The following EMX2 variants were observed in gnomAD, a reference collection of about 807,000 sequenced individuals.
The protein encoded by EMX2 is empty spiracles homeobox 2.
Under a neutral mutation model 23.0 loss-of-function variants are expected in EMX2, and 6 were observed. The observed-to-expected ratio is 0.26, with a 90% CI of 0.14 to 0.52. EMX2 has a LOEUF of 0.52. Among genes scored for constraint, EMX2 ranks in the 20% least tolerant of loss-of-function variants. The pLI is 0.97. For missense variants in EMX2, 302 were observed against 341.4 expected (o/e 0.88, Z 0.91); for synonymous variants, 175 against 153.3 (o/e 1.14, Z -1.04).
intron 2 of EMX2, 100 bp downstream of exon 2, chr10:117,545,916 T>C (rs1362113731): frequency 6.6e-7 from 1 of 1,507,868 alleles, no homozygotes; most frequent in Non-Finnish European, 9.1e-7. Flanking sequence ...TGTGAGGGCC[T>C]TCCGCACAGG....
At position 117,543,425 on chromosome 10, in the gene EMX2, C is replaced by G; in HGVS notation, c.158C>G (p.Ser53Trp). 2 of 1,597,504 alleles carry G rather than the reference C, an allele frequency of 1.3e-6. No homozygotes were observed. Among genetic ancestry groups the G allele is most frequent in the Non-Finnish European group, 1.7e-6 (2 of 1,172,770 alleles). Residue 53 changes from serine (S) to tryptophan (W), a missense_variant, in exon 1 of 3, where the codon TCG (serine) becomes TGG (tryptophan). Ser to Trp is a radical substitution (Grantham distance 177). Coordinates refer to ENST00000553456, the MANE Select transcript of EMX2 (RefSeq NM_004098.4). ...PINPFLNGFH[S>W]AAAAAAGRGV... ...AATCCGTTCCTCAACGGCTTCCACTCGGCCGCCGCCGCCGCCGCCGGTAGG... is the reference window on the plus strand; with the variant it reads ...AATCCGTTCCTCAACGGCTTCCACTGGGCCGCCGCCGCCGCCGCCGGTAGG...
chr10:117,543,432 C>T lies in EMX2; in HGVS notation c.165C>T (p.Ala55=), dbSNP rs1473463969. The T allele has an allele frequency of 7.5e-6, 12 of 1,594,826 alleles. No individual in the cohort carries two copies. Among genetic ancestry groups the T allele is most frequent in the South Asian group, 1.1e-5 (1 of 89,756 alleles). Residue 55 remains alanine (A), a synonymous_variant, in exon 1 of 3, where the codon GCC becomes GCT. Coordinates refer to ENST00000553456, the MANE Select transcript of EMX2 (RefSeq NM_004098.4). The stretch of plus-strand genomic sequence containing the variant: ...TCCTCAACGGCTTCCACTCGGCCGC[C>T]GCCGCCGCCGCCGGTAGGGGCGTCT... The part of the protein sequence containing the change: ...NPFLNGFHSA[A]AAAAGRGVYS...
intron 1 of EMX2, 118 bp downstream of exon 1, chr10:117,543,791 C>A: frequency 6.6e-7 from 1 of 1,506,192 alleles, no homozygotes; most frequent in Non-Finnish European, 9.1e-7. Flanking sequence ...GGCTCGCGGG[C>A]CAGCGCGCCC....
rs34929200 is a variant in EMX2 at position 117,548,548 on chromosome 10, AAGAGAGAGAGAGAG to A, written c.*328_*341del. The A allele has an allele frequency of 1.5e-5, 7 of 464,822 alleles. No homozygotes were observed. The East Asian group carries it at 2.0e-4, about 13-fold the overall frequency. The allele number at this position is 464,822 out of a possible 1,614,324, so 28.8% of individuals were successfully genotyped here. A position where few individuals can be genotyped will look rare whatever the true frequency, so the allele number is the denominator to read the frequency against. ...GGAGGGAGAGAGAGAAAGAGAGAGAAAGAGAGAGAGAGAGAGAGAGAGAGAAAGCTGAACGTGCA... is the reference window on the plus strand; with the variant it reads ...GGAGGGAGAGAGAGAAAGAGAGAGAAAGAGAGAGAGAAAGCTGAACGTGCA... On this transcript the variant is annotated 3_prime_UTR_variant, in exon 3 of 3. Coordinates refer to ENST00000553456, the MANE Select transcript of EMX2 (RefSeq NM_004098.4).
chr10:117,546,501 C>T (rs1233104459), intron 2 of EMX2, among the ~76,000 whole-genome samples: 1 of 144,094 alleles, frequency 6.9e-6, no homozygotes, highest in Non-Finnish European at 1.5e-5. Flanking sequence ...TCAAAGTTCC[C>T]AGCAAACAGT....
At chr10:117,544,169 T>C (rs1207184129) in intron 1 of EMX2, 1 of 189,540 alleles carries the variant, frequency 5.3e-6, no homozygotes, top group Non-Finnish European at 1.1e-5. Flanking sequence ...TCCACCCTCT[T>C]CTGGAGGCGA....
chr10:117,548,857 T>C lies in EMX2; in HGVS notation c.*625T>C, dbSNP rs143671290. ...ATGCATGTAGCAGTTGTTGGGCGAA[T>C]GGTGTTTAAAGACCGAAAATGAATT... On this transcript the variant is annotated 3_prime_UTR_variant, in exon 3 of 3. Transcript: ENST00000553456. The C allele has an allele frequency of 5.5e-5, 22 of 397,654 alleles. No homozygotes were observed. In the East Asian group the frequency reaches 7.9e-4, roughly 14 times the overall value. The allele number at this position is 397,654 out of a possible 1,614,324, so 24.6% of individuals were successfully genotyped here. A position where few individuals can be genotyped will look rare whatever the true frequency, so the allele number is the denominator to read the frequency against.
rs778391840 is a variant in EMX2 at position 117,545,834 on chromosome 10, G to T, written c.591+18G>T. ...AAACTCAGGTGACTGCGGCCCGGGC[G>T]CGAGGAACCCATCTAGGCGTGCGCC... is the stretch of plus-strand genomic sequence containing the variant. On this transcript the variant is annotated intron_variant, in intron 2 of 2. Coordinates refer to ENST00000553456, the MANE Select transcript of EMX2 (RefSeq NM_004098.4). 3.1e-6 allele frequency: 5 copies of T among 1,613,602 alleles called. No individual in the cohort carries two copies. In the South Asian group the frequency reaches 4.4e-5, roughly 14 times the overall value.
intron 2 of EMX2, among the ~76,000 whole-genome samples, chr10:117,546,961 T>G (rs1022319573): frequency 6.6e-6 from 1 of 152,230 alleles, no homozygotes; most frequent in Non-Finnish European, 1.5e-5. Flanking sequence ...GTCCAGGGAC[T>G]GGCACTGGGC....
Position 117,543,208 on chromosome 10 carries a change from A to AGGCAGCGTGCGGCGGT in EMX2, c.-59_-44dup. 8.5e-7 allele frequency: 1 copy of AGGCAGCGTGCGGCGGT among 1,169,894 alleles called. No individual in the cohort carries two copies. The highest frequency in any genetic ancestry group is 1.1e-6 in the Non-Finnish European group (1 of 936,512). 72.5% of individuals were successfully genotyped at this position (1,169,894 alleles called of 1,614,324 possible). ...CCTCGCCGCGGGCAGCGGGCGGCGG[A>AGGCAGCGTGCGGCGGT]GGCAGCGTGCGGCGGTCGCCAGGAG... On this transcript the variant is annotated 5_prime_UTR_variant, in exon 1 of 3. Transcript: ENST00000553456.
rs1388067574 is a variant in EMX2 at position 117,549,285 on chromosome 10, A to C, written c.*1053A>C. On this transcript the variant is annotated 3_prime_UTR_variant, in exon 3 of 3. Transcript: ENST00000553456. ...TCCAAACTTTAAATCTATCTATTGC[A>C]AAACCTGAAGGACTGTAGTTAGCGG... The C allele has an allele frequency of 6.6e-6, 1 of 152,652 alleles. No homozygotes were observed. Among genetic ancestry groups the C allele is most frequent in the East Asian group, 1.9e-4 (1 of 5,192 alleles). 9.5% of individuals were successfully genotyped at this position (152,652 alleles called of 1,614,324 possible).
rs1430660194 is a variant in EMX2, at chr10:117,543,803, G to T, written c.406+130G>T. On this transcript the variant is annotated intron_variant, in intron 1 of 2. Transcript: ENST00000553456. ...TCCGGCTCGCGGGCCAGCGCGCCCT[G>T]TTGGGAAACTAGGCGGCGCGGGGCC... The T allele has an allele frequency of 2.1e-6, 3 of 1,444,222 alleles. No individual in the cohort carries two copies. The East Asian group carries it at 7.0e-5, about 34-fold the overall frequency. The allele number at this position is 1,444,222 out of a possible 1,614,324, so 89.5% of individuals were successfully genotyped here.
intron 1 of EMX2, 54 bp from the exon 2 acceptor site, chr10:117,545,578 C>A (rs1011292065): frequency 1.2e-6 from 2 of 1,606,608 alleles, no homozygotes; most frequent in Non-Finnish European, 1.7e-6. Context: ...GAGAAGTGCG[C>A]GGCTCCGGTC....
chr10:117,543,690 G>T lies in EMX2; in HGVS notation c.406+17G>T. On this transcript the variant is annotated intron_variant, in intron 1 of 2. Transcript: ENST00000553456. ...GCTTCCAAGGTACGTGCCACGTCGC[G>T]GAACTGCAGCGCGCCGCTCCCGCCG... The T allele has an allele frequency of 6.2e-7, 1 of 1,613,090 alleles. No homozygotes were observed. The highest frequency in any genetic ancestry group is 8.5e-7 in the Non-Finnish European group (1 of 1,179,692).
intron 2 of EMX2, 109 bp from the exon 3 acceptor site, chr10:117,547,956 G>A (rs855768): frequency 0.087 from 127,622 of 1,473,990 alleles, 7,218 homozygotes; most frequent in East Asian, 0.26. Context: ...TCGGGGGCTG[G>A]GTCTTTGCTG....
At position 117,543,320 on chromosome 10, in the gene EMX2, A is replaced by G; in HGVS notation, c.53A>G (p.Lys18Arg). The part of the protein sequence containing the change: ...RCFTIESLVA[K>R]DSPLPASRSE... ...TTCACCATCGAGTCGCTGGTGGCCA[A>G]GGACAGTCCCCTGCCCGCCTCGCGC... is the stretch of plus-strand genomic sequence containing the variant. Residue 18 changes from lysine (K) to arginine (R), a missense_variant, in exon 1 of 3, where the codon AAG (lysine) becomes AGG (arginine). This residue lies in a region of EMX2 where 221 missense variants were observed against 206.8 expected (regional missense o/e 1.07). Coordinates refer to ENST00000553456, the MANE Select transcript of EMX2 (RefSeq NM_004098.4). 6.4e-7 allele frequency: 1 copy of G among 1,552,414 alleles called. No homozygotes were observed. The highest frequency in any genetic ancestry group is 8.7e-7 in the Non-Finnish European group (1 of 1,148,178).
chr10:117,543,216 T>G lies in EMX2; in HGVS notation c.-52T>G, dbSNP rs1345680431. Reference sequence around the variant, plus strand: ...CGGGCAGCGGGCGGCGGAGGCAGCGTGCGGCGGTCGCCAGGAGCTGGGAGC... The same window carrying G: ...CGGGCAGCGGGCGGCGGAGGCAGCGGGCGGCGGTCGCCAGGAGCTGGGAGC... On this transcript the variant is annotated 5_prime_UTR_variant, in exon 1 of 3. Coordinates refer to ENST00000553456, the MANE Select transcript of EMX2 (RefSeq NM_004098.4). 9 of 1,218,066 alleles carry G rather than the reference T, an allele frequency of 7.4e-6. No homozygotes were observed. The highest frequency in any genetic ancestry group is 3.3e-5 in the Admixed American group (1 of 30,714). 75.5% of individuals were successfully genotyped at this position (1,218,066 alleles called of 1,614,324 possible). A position where few individuals can be genotyped will look rare whatever the true frequency, so the allele number is the denominator to read the frequency against.
intron 2 of EMX2, among the ~76,000 whole-genome samples, chr10:117,547,488 G>A (rs1846594696): frequency 6.6e-6 from 1 of 152,142 alleles, no homozygotes. Flanking sequence ...ACCTGTGAGA[G>A]TCCCCCGCAC....
chr10:117,543,820 C>T (rs1846534305), intron 1 of EMX2, 147 bp downstream of exon 1: 3 of 1,299,774 alleles, frequency 2.3e-6, no homozygotes, highest in Non-Finnish European at 3.2e-6. Flanking sequence ...AACTAGGCGG[C>T]GCGGGGCCGG....
Sources: gnomAD v4.1 joint callset for allele counts (sites outside exome capture counted in the v4.1 genomes callset) on GRCh38, gnomAD v4.1.1 for gene constraint, gnomAD v4.1.1 regional missense constraint, MANE v1.5 for transcripts, NCBI Gene and HGNC (gene_info 2026-07-23, HGNC 2026-07-21) for gene names.